BRD4: variants seen among roughly 807,000 people sequenced by gnomAD.
The protein encoded by BRD4 is bromodomain containing 4, also known as bromodomain-containing protein 4.
A neutral mutation model predicts 142.1 loss-of-function variants in BRD4; 16 were observed. The observed-to-expected ratio is 0.11, with a 90% confidence interval of 0.08 to 0.17. The LOEUF (loss-of-function observed/expected upper bound fraction) is 0.17, where lower values mean the gene tolerates loss of function less well. Among genes scored for constraint, BRD4 ranks in the 10% least tolerant of loss-of-function variants. BRD4 has a pLI of 1.00. For synonymous variants in BRD4, 833 were observed against 707.5 expected (o/e 1.18, Z -2.82); for missense variants, 1,424 against 1,810.9 (o/e 0.79, Z 3.88).
At position 15,294,868 on chromosome 19, in the gene BRD4, A is replaced by G. The variant is rs16980455; in HGVS notation, c.-34-21735T>C. Among the ~76,000 whole-genome samples the G allele has an allele frequency of 3.9e-3, 591 of 152,284 alleles. 6 individuals carry two copies. The highest frequency in any genetic ancestry group is 0.013 in the African/African-American group (556 of 41,562). The stretch of plus-strand genomic sequence containing the variant: ...AAGTAGCAGGCAGTCAAGGATATTG[A>G]AAGGTGTGCAGGCTGTCCCAGACCC... On this transcript the variant is annotated intron_variant, in intron 1 of 19. Coordinates refer to ENST00000679869, the MANE Select transcript of BRD4 (RefSeq NM_001379291.1).
intron 1 of BRD4, among the ~76,000 whole-genome samples, chr19:15,276,724 T>A (rs2047650942): frequency 6.6e-6 from 1 of 152,156 alleles, no homozygotes; most frequent in Non-Finnish European, 1.5e-5. Flanking sequence ...GTTCACACTC[T>A]CACATGGATA....
At chr19:15,320,345 C>T (rs1040203331) in intron 1 of BRD4, among the ~76,000 whole-genome samples, 9 of 152,104 alleles carry the variant, frequency 5.9e-5, no homozygotes, top group African/African-American at 2.2e-4. Context: ...ACTACGAGAA[C>T]TTGAGTATGG....
chr19:15,279,821 C>T (rs1196054477), intron 1 of BRD4, among the ~76,000 whole-genome samples: 7 of 152,220 alleles, frequency 4.6e-5, no homozygotes, highest in African/African-American at 7.2e-5. Context: ...ACCTGAAGTC[C>T]TGGCCTCCCA....
rs761705411 is a variant in BRD4 at position 15,267,569 on chromosome 19, G to A, written c.424-18C>T. Reference sequence around the variant, plus strand: ...TCTCCAGGCTGGATAAGGAGACACAGGGGTAGAGTCAGAGGGCCCTCCCCT... The same window carrying A: ...TCTCCAGGCTGGATAAGGAGACACAAGGGTAGAGTCAGAGGGCCCTCCCCT... On this transcript the variant is annotated intron_variant, in intron 3 of 19. Coordinates refer to ENST00000679869, the MANE Select transcript of BRD4 (RefSeq NM_001379291.1). 6.2e-7 allele frequency: 1 copy of A among 1,611,034 alleles called. No individual in the cohort carries two copies. Among genetic ancestry groups the A allele is most frequent in the South Asian group, 1.1e-5 (1 of 90,966 alleles).
chr19:15,293,014 C>T (rs1242453907), intron 1 of BRD4, among the ~76,000 whole-genome samples: 1 of 152,074 alleles, frequency 6.6e-6, no homozygotes. Context: ...CCAGACCACA[C>T]CAAGTGCACA....
In BRD4 at chr19:15,264,764, T is replaced by C. The variant is rs2047513699; in HGVS notation, c.852A>G (p.Thr284=). ...CTGCTTTCCTCTTCACTCCCTTCTTTGTCTGCCAAGAACACGGACGCCAAC... is the reference window on the plus strand; with the variant it reads ...CTGCTTTCCTCTTCACTCCCTTCTTCGTCTGCCAAGAACACGGACGCCAAC... ...IIAATPQPVK[T]KKGVKRKADT... Residue 284 remains threonine (T), a splice_region_variant and synonymous_variant, in exon 6 of 20, where the codon ACA becomes ACG. Coordinates refer to ENST00000679869, the MANE Select transcript of BRD4 (RefSeq NM_001379291.1). The C allele has an allele frequency of 6.3e-7, 1 of 1,599,414 alleles. No homozygotes were observed. Among genetic ancestry groups the C allele is most frequent in the Non-Finnish European group, 8.5e-7 (1 of 1,170,944 alleles).
intron 13 of BRD4, 124 bp downstream of exon 13, chr19:15,244,107 T>G (rs2047262956): frequency 1.3e-6 from 2 of 1,510,886 alleles, no homozygotes; most frequent in Non-Finnish European, 1.8e-6. Context: ...AAGCCACAGA[T>G]CTTCCCTCTA....
At chr19:15,319,244 C>A (rs912628416) in intron 1 of BRD4, among the ~76,000 whole-genome samples, 3 of 152,084 alleles carry the variant, frequency 2.0e-5, no homozygotes, top group African/African-American at 7.2e-5. Flanking sequence ...CCAAGGTGGG[C>A]AGATCACTTG....
chr19:15,297,375 T>C (rs1279458113), intron 1 of BRD4, among the ~76,000 whole-genome samples: 1 of 152,168 alleles, frequency 6.6e-6, no homozygotes, highest in Non-Finnish European at 1.5e-5. Flanking sequence ...TGGACTATAC[T>C]GCTGCTCCCT....
chr19:15,300,389 TA>T (rs1000109443), intron 1 of BRD4, among the ~76,000 whole-genome samples: 217 of 143,984 alleles, frequency 1.5e-3, no homozygotes, highest in African/African-American at 2.2e-3. Flanking sequence ...CTGTCTCCAC[TA>T]AAAAAAAAAA....
At chr19:15,320,553 C>T (rs766119441) in intron 1 of BRD4, among the ~76,000 whole-genome samples, 48 of 152,106 alleles carry the variant, frequency 3.2e-4, no homozygotes, top group Non-Finnish European at 5.4e-4. Flanking sequence ...ATCTTGTAAG[C>T]ATTTATTTAA....
chr19:15,251,671 C>A (rs765521081), intron 11 of BRD4, among the ~76,000 whole-genome samples: 18 of 152,194 alleles, frequency 1.2e-4, no homozygotes, highest in Non-Finnish European at 1.8e-4. Context: ...CGGGACAGGG[C>A]AGCAGAAGGC....
chr19:15,306,283 C>T (rs2047912996), intron 1 of BRD4, among the ~76,000 whole-genome samples: 1 of 152,102 alleles, frequency 6.6e-6, no homozygotes, highest in Non-Finnish European at 1.5e-5. Context: ...GGCCTTTTAG[C>T]GTTGTTAAAG....
At chr19:15,242,419 G>T (rs1032807425) in intron 14 of BRD4, among the ~76,000 whole-genome samples, 2 of 152,170 alleles carry the variant, frequency 1.3e-5, no homozygotes, top group African/African-American at 4.8e-5. Flanking sequence ...GGTAACAGGC[G>T]ATGAGGACAG....
At chr19:15,280,476 CCAAGACCTCT>C in intron 1 of BRD4, 1 of 1,007,290 alleles carries the variant, frequency 9.9e-7, no homozygotes, top group South Asian at 4.7e-5. Flanking sequence ...CAAATCAGAG[CCAAGACCTCT>C]CCCTGCAGCA....
At chr19:15,268,754 C>A in intron 3 of BRD4, 151 bp downstream of exon 3, 4 of 800,890 alleles carry the variant, frequency 5.0e-6, no homozygotes. Context: ...AACCACAGGT[C>A]TCATTACCTC....
intron 1 of BRD4, chr19:15,331,995 C>G (rs1377951231): frequency 7.0e-6 from 1 of 142,642 alleles, no homozygotes; most frequent in East Asian, 2.1e-4. Context: ...GCCCCCCACC[C>G]GCGCCCCGCC....
At chr19:15,251,097 C>T (rs2047338895) in intron 11 of BRD4, among the ~76,000 whole-genome samples, 2 of 152,194 alleles carry the variant, frequency 1.3e-5, no homozygotes, top group Non-Finnish European at 2.9e-5. Flanking sequence ...GCTGCTGGGG[C>T]AGAGGGTGGG....
intron 1 of BRD4, chr19:15,280,400 G>A: frequency 9.8e-7 from 1 of 1,016,596 alleles, no homozygotes; most frequent in Non-Finnish European, 1.2e-6. Context: ...GTGCCATGTG[G>A]CCCATAAGCT....
Sources: allele counts gnomAD v4.1 joint callset (sites outside exome capture counted in the v4.1 genomes callset), GRCh38; gene constraint gnomAD v4.1.1; transcripts MANE v1.5; gene names NCBI Gene and HGNC (gene_info 2026-07-23, HGNC 2026-07-21).